PTGER3: variants seen among roughly 807,000 people sequenced by gnomAD.
The protein encoded by PTGER3 is prostaglandin E receptor 3.
A neutral mutation model predicts 34.7 loss-of-function variants in PTGER3; 22 were observed. That is an observed-to-expected ratio of 0.63 (90% CI 0.45 to 0.91). The LOEUF is 0.91. Ranked by LOEUF, PTGER3 falls within the 40% of genes least tolerant of loss-of-function variation. The probability of loss-of-function intolerance (pLI) is 0.00; values close to 1 mark genes in which losing one functional copy is unlikely to be tolerated. For synonymous variants in PTGER3, 241 were observed against 230.1 expected (o/e 1.05, Z -0.43); for missense variants, 468 against 519.4 (o/e 0.90, Z 0.96).
chr1:70,948,724 T>A (rs142744342), downstream of PTGER3, among the ~76,000 whole-genome samples: 1,101 of 152,264 alleles, frequency 7.2e-3, 14 homozygotes, highest in African/African-American at 0.025. Flanking sequence ...CAGATAAGCA[T>A]GTTTCACTGA....
intron 2 of PTGER3, among the ~76,000 whole-genome samples, chr1:70,979,850 T>C (rs1654087382): frequency 6.6e-6 from 1 of 152,176 alleles, no homozygotes; most frequent in Admixed American, 6.5e-5. Context: ...ATACAGTTAC[T>C]AGGCTTTGTA....
intron 4 of PTGER3, among the ~76,000 whole-genome samples, chr1:70,875,764 C>A (rs776539823): frequency 1.3e-5 from 2 of 152,158 alleles, no homozygotes; most frequent in Non-Finnish European, 2.9e-5. Flanking sequence ...GGATTATGGC[C>A]TCCAGCTTTA....
At chr1:70,947,998 T>C, downstream of PTGER3, among the ~76,000 whole-genome samples, 1 of 152,178 alleles carries the variant, frequency 6.6e-6, no homozygotes, top group East Asian at 1.9e-4. Context: ...AGCACAGTCA[T>C]GGATTTCATC....
At chr1:71,030,531 G>A (rs544455239) in intron 1 of PTGER3, among the ~76,000 whole-genome samples, 1 of 152,298 alleles carries the variant, frequency 6.6e-6, no homozygotes, top group East Asian at 1.9e-4. Context: ...GCTGAAAAAT[G>A]TTTGCCTAGT....
At chr1:71,009,861 C>G (rs1020382084) in intron 2 of PTGER3, 10 of 985,098 alleles carry the variant, frequency 1.0e-5, no homozygotes, top group Non-Finnish European at 1.2e-5. Context: ...TATCCTCTTT[C>G]TAACCACCGC....
rs59431299 is a variant in PTGER3, at chr1:70,935,672, A to ATATATATATATAT, written c.*23+18090_*23+18091insATATATATATATA. Reference sequence around the variant, plus strand: ...TGTTGGTACTAAGGATACAAATATAAATATATATATATATATATATATGTT... The same window carrying ATATATATATATAT: ...TGTTGGTACTAAGGATACAAATATAATATATATATATATATATATATATATATATATATATGTT... On this transcript the variant is annotated intron_variant, in intron 4 of 4. Coordinates refer to the PTGER3 transcript ENST00000370931. 4.8e-3 allele frequency among the ~76,000 whole-genome samples: 674 copies of ATATATATATATAT among 140,152 alleles called. 14 individuals carry two copies. Among genetic ancestry groups the ATATATATATATAT allele is most frequent in the African/African-American group, 0.015 (532 of 36,374 alleles). The allele number at this position is 140,152 out of a possible 152,430, so 91.9% of individuals were successfully genotyped here. A position where few individuals can be genotyped will look rare whatever the true frequency, so the allele number is the denominator to read the frequency against.
At chr1:70,867,990 A>G (rs895929958) in intron 4 of PTGER3, among the ~76,000 whole-genome samples, 1 of 152,148 alleles carries the variant, frequency 6.6e-6, no homozygotes, top group Admixed American at 6.5e-5. Flanking sequence ...AGGAGTCTGT[A>G]GGCCCTCCAG....
intron 2 of PTGER3, among the ~76,000 whole-genome samples, chr1:70,964,597 C>T (rs1652312406): frequency 6.6e-6 from 1 of 152,144 alleles, no homozygotes; most frequent in Admixed American, 6.5e-5. Context: ...AGACCCGCCC[C>T]ATGATTCAAT....
At chr1:70,937,282 C>T (rs1218054049) in intron 4 of PTGER3, among the ~76,000 whole-genome samples, 1 of 152,088 alleles carries the variant, frequency 6.6e-6, no homozygotes, top group African/African-American at 2.4e-5. Flanking sequence ...TTTTGTGTTG[C>T]CAAACATGTT....
chr1:70,986,486 A>G (rs1266569476), intron 2 of PTGER3, among the ~76,000 whole-genome samples: 1 of 152,110 alleles, frequency 6.6e-6, no homozygotes, highest in South Asian at 2.1e-4. Context: ...CTGTGCCTCA[A>G]GGGTCTTCTG....
intron 1 of PTGER3, among the ~76,000 whole-genome samples, chr1:71,025,922 C>T (rs1249845967): frequency 2.6e-5 from 4 of 152,152 alleles, no homozygotes; most frequent in African/African-American, 9.7e-5. Context: ...AATGTTAAAG[C>T]GAAAGCAATG....
rs772933205 is a variant in PTGER3, at chr1:70,971,016, G to T, written c.*714C>A. The T allele has an allele frequency of 2.1e-4, 207 of 985,160 alleles. 2 individuals are homozygous for T. The highest frequency in any genetic ancestry group is 2.5e-4 in the Admixed American group (4 of 16,240). 61.0% of individuals were successfully genotyped at this position (985,160 alleles called of 1,614,324 possible). On this transcript the variant is annotated 3_prime_UTR_variant, in exon 4 of 4. Coordinates refer to ENST00000306666, the MANE Select transcript of PTGER3 (RefSeq NM_198719.2). ...CAGCTAATCATTCAACCTCAAATTT[G>T]TTTTTTATGACACTCCAAGGATGCC...
intron 4 of PTGER3, among the ~76,000 whole-genome samples, chr1:70,933,235 C>A (rs1013693885): frequency 6.6e-6 from 1 of 152,096 alleles, no homozygotes; most frequent in Non-Finnish European, 1.5e-5. Flanking sequence ...TCCCTTGCCT[C>A]TCTGAAGTCT....
chr1:70,981,365 TTCTTTC>T (rs1557708919), intron 2 of PTGER3, among the ~76,000 whole-genome samples: 32 of 117,522 alleles, frequency 2.7e-4, no homozygotes, highest in Admixed American at 5.9e-4. Flanking sequence ...CTTTCTTTCT[TTCTTTC>T]TTTCTTTCTT....
chr1:70,920,118 A>T (rs969515739), intron 4 of PTGER3, among the ~76,000 whole-genome samples: 1 of 152,166 alleles, frequency 6.6e-6, no homozygotes, highest in Non-Finnish European at 1.5e-5. Context: ...TTTGTCTGAT[A>T]TATGTAGAAA....
chr1:70,853,987 A>T (rs1645742968), intron 4 of PTGER3, among the ~76,000 whole-genome samples: 1 of 152,250 alleles, frequency 6.6e-6, no homozygotes, highest in African/African-American at 2.4e-5. Flanking sequence ...AATGAATTAA[A>T]GACCTAGGCA....
chr1:71,024,850 C>T (rs1027500553), intron 1 of PTGER3, among the ~76,000 whole-genome samples: 61 of 149,864 alleles, frequency 4.1e-4, no homozygotes, highest in Non-Finnish European at 7.1e-4. Flanking sequence ...CCACCGTGCC[C>T]GGCTGAAAAA....
Position 70,884,139 on chromosome 1 carries a change from T to A in PTGER3, c.*24-31280A>T, listed in dbSNP as rs1168250896. 6 of 340,100 alleles carry A rather than the reference T, an allele frequency of 1.8e-5. No individual in the cohort carries two copies. The East Asian group carries it at 6.4e-4, about 36-fold the overall frequency. The allele number at this position is 340,100 out of a possible 1,614,324, so 21.1% of individuals were successfully genotyped here. A position where few individuals can be genotyped will look rare whatever the true frequency, so the allele number is the denominator to read the frequency against. On this transcript the variant is annotated intron_variant, in intron 4 of 4. Transcript: ENST00000370931. ...CAGAACACAATTATATCATCCTCAG[T>A]AATTTTACCATCCTAAGTAATTCTG... is the stretch of plus-strand genomic sequence containing the variant.
At chr1:70,950,155 T>C (rs924493533), downstream of PTGER3, among the ~76,000 whole-genome samples, 1 of 152,122 alleles carries the variant, frequency 6.6e-6, no homozygotes, top group Non-Finnish European at 1.5e-5. Context: ...CTTTCAGTGG[T>C]CTTAAATGAG....
Sources: gnomAD v4.1 joint callset for allele counts (sites outside exome capture counted in the v4.1 genomes callset) on GRCh38, gnomAD v4.1.1 for gene constraint, MANE v1.5 for transcripts, NCBI Gene and HGNC (gene_info 2026-07-23, HGNC 2026-07-21) for gene names.